Variants in CCSER2 observed in about 807,000 individuals in gnomAD.
The protein encoded by CCSER2 is serine-rich coiled-coil domain-containing protein 2.
CCSER2 carries 46 observed loss-of-function variants against 92.3 expected under a neutral mutation model. The ratio of observed to expected loss-of-function variants is 0.50; its 90% CI spans 0.39 to 0.64. The LOEUF (loss-of-function observed/expected upper bound fraction) is 0.64, where lower values mean the gene tolerates loss of function less well. Ranked by LOEUF, CCSER2 falls within the 30% of genes least tolerant of loss-of-function variation. The pLI is 0.00. For synonymous variants in CCSER2, 433 were observed against 431.4 expected, an observed-to-expected ratio of 1.00 and a Z score of -0.04; for missense variants, 1,244 against 1,238.9, an observed-to-expected ratio of 1.00 and a Z score of -0.06.
rs149113758 is a variant in CCSER2, at chr10:84,418,777, G to A, written c.1705+916G>A. Among the ~76,000 whole-genome samples the A allele has an allele frequency of 6.6e-5, 10 of 152,228 alleles. No individual in the cohort carries two copies. The East Asian group carries it at 1.9e-3, about 29-fold the overall frequency. Reference sequence around the variant, plus strand: ...CTTTTATTTTTCCTGCCAGAATGCTGTATGGCATTCTCAAAATCTCAGTTG... The same window carrying A: ...CTTTTATTTTTCCTGCCAGAATGCTATATGGCATTCTCAAAATCTCAGTTG... On this transcript the variant is annotated intron_variant, in intron 4 of 9. Coordinates refer to ENST00000372088, the MANE Select transcript of CCSER2 (RefSeq NM_001284240.2).
At chr10:84,392,652 A>G (rs1841591962) in intron 3 of CCSER2, among the ~76,000 whole-genome samples, 1 of 152,102 alleles carries the variant, frequency 6.6e-6, no homozygotes, top group Admixed American at 6.6e-5. Context: ...GGTTCTTGGA[A>G]GTTACAATTT....
intron 1 of CCSER2, among the ~76,000 whole-genome samples, chr10:84,348,976 A>T (rs577495838): frequency 6.6e-6 from 1 of 151,540 alleles, no homozygotes; most frequent in Non-Finnish European, 1.5e-5. Context: ...ATAGGGATTT[A>T]AAAAAAAATT....
intron 5 of CCSER2, among the ~76,000 whole-genome samples, chr10:84,427,611 G>T (rs140191499): frequency 6.6e-6 from 1 of 152,324 alleles, no homozygotes; most frequent in African/African-American, 2.4e-5. Context: ...GTGTTGGGAA[G>T]ACTGGTGGTT....
intron 3 of CCSER2, among the ~76,000 whole-genome samples, chr10:84,409,078 C>T (rs1411874229): frequency 6.6e-6 from 1 of 152,080 alleles, no homozygotes; most frequent in African/African-American, 2.4e-5. Flanking sequence ...GCAACCTCCA[C>T]CTCCCGGGTT....
chr10:84,401,838 C>T (rs747469751), intron 3 of CCSER2, among the ~76,000 whole-genome samples: 4 of 152,024 alleles, frequency 2.6e-5, no homozygotes, highest in Non-Finnish European at 4.4e-5. Context: ...TTTCTAGTGC[C>T]AGAGGCAGAG....
At chr10:84,510,097 A>G (rs1849274403) in intron 9 of CCSER2, among the ~76,000 whole-genome samples, 1 of 152,160 alleles carries the variant, frequency 6.6e-6, no homozygotes, top group Non-Finnish European at 1.5e-5. Context: ...AGTCATAGCT[A>G]CTTAGCCTGA....
intron 2 of CCSER2, 69 bp from the exon 3 acceptor site, chr10:84,373,550 G>A (rs1846178926): frequency 8.4e-7 from 1 of 1,184,296 alleles, no homozygotes; most frequent in Non-Finnish European, 1.2e-6. Flanking sequence ...CAAATTATTA[G>A]CACTTATATT....
At chr10:84,489,254 C>G (rs1418886165) in intron 9 of CCSER2, among the ~76,000 whole-genome samples, 1 of 152,086 alleles carries the variant, frequency 6.6e-6, no homozygotes, top group Non-Finnish European at 1.5e-5. Context: ...TCTGTTAGGT[C>G]CGCTTGGTGC....
At chr10:84,477,811 G>T in intron 9 of CCSER2, 147 bp downstream of exon 9, 1 of 577,012 alleles carries the variant, frequency 1.7e-6, no homozygotes, top group Admixed American at 3.4e-5. Flanking sequence ...TTGTCTCTTA[G>T]GTGTTTATGT....
chr10:84,503,144 C>T (rs534928611), intron 9 of CCSER2, among the ~76,000 whole-genome samples: 5 of 152,094 alleles, frequency 3.3e-5, no homozygotes, highest in South Asian at 2.1e-4. Flanking sequence ...AGGAGAATGG[C>T]GTGAACCCAT....
chr10:84,441,150 G>T (rs1429189675), intron 6 of CCSER2, among the ~76,000 whole-genome samples: 1 of 152,028 alleles, frequency 6.6e-6, no homozygotes, highest in Non-Finnish European at 1.5e-5. Flanking sequence ...TATCTTTCTG[G>T]AATCTTTAGT....
intron 9 of CCSER2, among the ~76,000 whole-genome samples, chr10:84,508,236 G>A (rs1475665633): frequency 6.6e-6 from 1 of 152,108 alleles, no homozygotes; most frequent in Non-Finnish European, 1.5e-5. Context: ...GGGTCTCATG[G>A]TAACTAGAGA....
At chr10:84,494,317 A>G (rs1441854576) in intron 9 of CCSER2, among the ~76,000 whole-genome samples, 1 of 152,210 alleles carries the variant, frequency 6.6e-6, no homozygotes, top group Non-Finnish European at 1.5e-5. Context: ...TATAATGAGC[A>G]GTAAGGATGA....
At chr10:84,489,947 T>G (rs1848053445) in intron 9 of CCSER2, among the ~76,000 whole-genome samples, 1 of 152,216 alleles carries the variant, frequency 6.6e-6, no homozygotes. Context: ...GGTGACAAAG[T>G]CTCTCAGCAT....
At chr10:84,335,685 C>T (rs11595016) in intron 1 of CCSER2, among the ~76,000 whole-genome samples, 15,173 of 152,146 alleles carry the variant, frequency 0.1, 954 homozygotes, top group Admixed American at 0.15. Context: ...GACAAAGAAG[C>T]AAGACAGATA....
intron 3 of CCSER2, among the ~76,000 whole-genome samples, chr10:84,374,921 T>G (rs186268683): frequency 1.3e-5 from 2 of 152,290 alleles, no homozygotes; most frequent in Non-Finnish European, 2.9e-5. Flanking sequence ...GAGGCTTAAA[T>G]TGCACAAACA....
At chr10:84,490,432 T>C (rs566957507) in intron 9 of CCSER2, among the ~76,000 whole-genome samples, 2 of 152,352 alleles carry the variant, frequency 1.3e-5, no homozygotes, top group African/African-American at 4.8e-5. Context: ...GGAGGCTTTG[T>C]TCATTTCTTT....
chr10:84,360,863 TA>T (rs1845461367), intron 1 of CCSER2, among the ~76,000 whole-genome samples: 2 of 152,254 alleles, frequency 1.3e-5, no homozygotes, highest in South Asian at 4.1e-4. Flanking sequence ...TGCTGTATTC[TA>T]ACACATATTA....
At chr10:84,372,652 A>G (rs1846127814) in intron 2 of CCSER2, among the ~76,000 whole-genome samples, 183 bp downstream of exon 2, 1 of 152,046 alleles carries the variant, frequency 6.6e-6, no homozygotes, top group African/African-American at 2.4e-5. Flanking sequence ...CCCATTTTTC[A>G]CCCTATCCAA....
Sources: allele counts gnomAD v4.1 joint callset (sites outside exome capture counted in the v4.1 genomes callset), GRCh38; gene constraint gnomAD v4.1.1; transcripts MANE v1.5; gene names NCBI Gene and HGNC (gene_info 2026-07-23, HGNC 2026-07-21).